The following GBP5 variants were observed in gnomAD, a reference collection of about 807,000 sequenced individuals.
The protein encoded by GBP5 is guanylate binding protein 5, also known as guanylate-binding protein 5.
Under a neutral mutation model 58.2 loss-of-function variants are expected in GBP5, and 48 were observed. The ratio of observed to expected loss-of-function variants is 0.83; its 90% CI spans 0.65 to 1.05. GBP5 has a LOEUF of 1.05. Among genes scored for constraint, GBP5 ranks in the 50% least tolerant of loss-of-function variants. The probability of loss-of-function intolerance (pLI) is 0.00; values close to 1 mark genes in which losing one functional copy is unlikely to be tolerated. For missense variants in GBP5, 714 were observed against 686.8 expected (o/e 1.04, Z -0.44); for synonymous variants, 248 against 251.8 (o/e 0.98, Z 0.14).
intron 10 of GBP5, 53 bp from the exon 11 acceptor site, chr1:89,262,454 C>G: frequency 6.7e-7 from 1 of 1,493,044 alleles, no homozygotes. Flanking sequence ...TTCCTTCTGC[C>G]TCCCACTTTT....
rs1177987809 is a variant in GBP5, at chr1:89,262,329, T to C, written c.1538A>G (p.Gln513Arg). Reference sequence around the variant, plus strand: ...GAGTCTCTCCCTCTCCTGCATCATTTGCTCGTTCTGCCTTTGAATCGCCGC... The same window carrying C: ...GAGTCTCTCCCTCTCCTGCATCATTCGCTCGTTCTGCCTTTGAATCGCCGC... Reference protein sequence around the residue: ...RLAAIQRQNEQMMQERERLHQ... With the variant: ...RLAAIQRQNERMMQERERLHQ... The change falls in exon 11 of 12, where the codon CAA (glutamine) becomes CGA (arginine). Residue 513 changes from glutamine (Q) to arginine (R), a missense_variant. Gln to Arg is a conservative substitution (Grantham distance 43). Coordinates refer to ENST00000370459, the MANE Select transcript of GBP5 (RefSeq NM_052942.5). 1 of 1,614,182 alleles carries C rather than the reference T, an allele frequency of 6.2e-7. No homozygotes were observed. Among genetic ancestry groups the C allele is most frequent in the East Asian group, 2.2e-5 (1 of 44,894 alleles).
At chr1:89,262,839 T>C in intron 9 of GBP5, 54 bp from the exon 10 acceptor site, 1 of 1,044,302 alleles carries the variant, frequency 9.6e-7, no homozygotes, top group Non-Finnish European at 1.4e-6. Context: ...TTAGGAATGT[T>C]GTAAACATCT....
At chr1:89,265,004 G>T (rs202037816) in intron 7 of GBP5, 38 bp from the exon 8 acceptor site, 7 of 1,561,030 alleles carry the variant, frequency 4.5e-6, no homozygotes, top group Admixed American at 1.8e-5. Flanking sequence ...TATTTGCAAA[G>T]GAAGAAGACA....
At chr1:89,261,206 G>A (rs140556263) in intron 11 of GBP5, among the ~76,000 whole-genome samples, 1 of 152,348 alleles carries the variant, frequency 6.6e-6, no homozygotes, top group Non-Finnish European at 1.5e-5. Context: ...GGAATCAGGT[G>A]GGCTGTCCAA....
intron 9 of GBP5, chr1:89,263,381 T>A: frequency 5.1e-6 from 1 of 196,928 alleles, no homozygotes; most frequent in South Asian, 1.3e-4. Flanking sequence ...TTAGTTTGTG[T>A]AAGCCAATGA....
chr1:89,260,658 C>A lies in GBP5; in HGVS notation c.*46G>T. 3 of 1,110,910 alleles carry A rather than the reference C, an allele frequency of 2.7e-6. No individual in the cohort carries two copies. In the South Asian group the frequency reaches 3.8e-5, roughly 14 times the overall value. The allele number at this position is 1,110,910 out of a possible 1,614,324, so 68.8% of individuals were successfully genotyped here. ...GTCTACAGTTTCTTTTCTGTTGTGTCATCAGTGACAAAGAGTAAAAAAAGG... is the reference window on the plus strand; with the variant it reads ...GTCTACAGTTTCTTTTCTGTTGTGTAATCAGTGACAAAGAGTAAAAAAAGG... On this transcript the variant is annotated 3_prime_UTR_variant, in exon 12 of 12. Coordinates refer to ENST00000370459, the MANE Select transcript of GBP5 (RefSeq NM_052942.5).
Position 89,266,495 on chromosome 1 carries a change from G to C in GBP5, c.719C>G (p.Ala240Gly). The C allele has an allele frequency of 6.2e-7, 1 of 1,614,102 alleles. No individual in the cohort carries two copies. Among genetic ancestry groups the C allele is most frequent in the Middle Eastern group, 1.7e-4 (1 of 6,060 alleles). The change falls in exon 7 of 12, where the codon GCT (alanine) becomes GGT (glycine). Residue 240 changes from alanine (A) to glycine (G), a missense_variant. Physicochemically the swap from Ala to Gly is moderately conservative, Grantham distance 60. Transcript: ENST00000370459. ...KKKCFIFDLPAHQKKLAQLET... is the reference protein window; with the variant it reads ...KKKCFIFDLPGHQKKLAQLET... ...AAGTTGGGCAAGCTTTTTTTGGTGA[G>C]CAGGTAAGTCAAAGATAAAGCATTT...
intron 11 of GBP5, chr1:89,261,999 A>T: frequency 1.8e-6 from 1 of 560,492 alleles, no homozygotes; most frequent in East Asian, 2.9e-5. Context: ...AGATATCATC[A>T]CTGTGTCCAT....
In GBP5 at chr1:89,262,762, A is replaced by C; in HGVS notation, c.1386T>G (p.Tyr462Ter). 1 of 1,573,556 alleles carries C rather than the reference A, an allele frequency of 6.4e-7. No homozygotes were observed. The highest frequency in any genetic ancestry group is 8.6e-7 in the Non-Finnish European group (1 of 1,167,398). ...GIQAEEVLQK[Y>*]LKSKESVSHA... ...GACTCACAGACTCCTTGGACTTTAA[A>C]TATTTCTGCAGAACTTCTTCAGCCT... The change falls in exon 10 of 12, where the codon TAT becomes TAG. Residue 462 changes from tyrosine to a stop codon, truncating the protein, a stop_gained. Coordinates refer to ENST00000370459, the MANE Select transcript of GBP5 (RefSeq NM_052942.5). LOFTEE classifies it high-confidence loss of function.
In GBP5 at chr1:89,262,163, A is replaced by G. The variant is rs529663472; in HGVS notation, c.1647+57T>C. 4.9e-4 allele frequency: 754 copies of G among 1,529,954 alleles called. 3 individuals are homozygous for G. The Middle Eastern group carries it at 9.2e-3, about 19-fold the overall frequency. The allele number at this position is 1,529,954 out of a possible 1,614,324, so 94.8% of individuals were successfully genotyped here. A position where few individuals can be genotyped will look rare whatever the true frequency, so the allele number is the denominator to read the frequency against. On this transcript the variant is annotated intron_variant, in intron 11 of 11. Transcript: ENST00000370459. Reference sequence around the variant, plus strand: ...ATCTTGCTGCCTCTCCCTCTTTGCCACTGCTACATACTCTCATCGTTACAG... The same window carrying G: ...ATCTTGCTGCCTCTCCCTCTTTGCCGCTGCTACATACTCTCATCGTTACAG...
rs963193951 is a variant in GBP5 at position 89,258,567 on chromosome 1, G to A, written c.*2137C>T. Among the ~76,000 whole-genome samples the A allele has an allele frequency of 6.6e-6, 1 of 152,036 alleles. No homozygotes were observed. The highest frequency in any genetic ancestry group is 1.5e-5 in the Non-Finnish European group (1 of 68,004). The stretch of plus-strand genomic sequence containing the variant: ...AGTAGCACCACATCCTATCTGATAT[G>A]AAAAATTCCTCATATTAAAGCTCTT... On this transcript the variant is annotated 3_prime_UTR_variant, in exon 12 of 12. Coordinates refer to ENST00000370459, the MANE Select transcript of GBP5 (RefSeq NM_052942.5).
Position 89,256,549 on chromosome 1 carries a change from TG to T in GBP5, c.*4154del, listed in dbSNP as rs1445819175. On this transcript the variant is annotated 3_prime_UTR_variant, in exon 12 of 12. Transcript: ENST00000370459. ...TTTAATAATTTTGAAAAACAGAGAA[TG>T]GGATGTAACTAACTAAAATATTGCT... Among the ~76,000 whole-genome samples the T allele has an allele frequency of 6.6e-6, 1 of 152,138 alleles. No individual in the cohort carries two copies. Among genetic ancestry groups the T allele is most frequent in the African/African-American group, 2.4e-5 (1 of 41,426 alleles).
Position 89,266,598 on chromosome 1 carries a change from A to G in GBP5, c.626-10T>C. The G allele has an allele frequency of 6.2e-7, 1 of 1,601,408 alleles. No individual in the cohort carries two copies. The highest frequency in any genetic ancestry group is 8.5e-7 in the Non-Finnish European group (1 of 1,172,338). ...ACTCTTTGATCACTACCTGGAGAAT[A>G]AAAAATAGGATTTATTTAGCATAGA... On this transcript the variant is annotated splice_polypyrimidine_tract_variant and intron_variant, in intron 6 of 11. Transcript: ENST00000370459.
In GBP5 at chr1:89,257,553, CT is replaced by C. The variant is rs937226677; in HGVS notation, c.*3150del. 5.3e-5 allele frequency among the ~76,000 whole-genome samples: 8 copies of C among 152,256 alleles called. No individual in the cohort carries two copies. The highest frequency in any genetic ancestry group is 4.6e-4 in the Admixed American group (7 of 15,292). On this transcript the variant is annotated 3_prime_UTR_variant, in exon 12 of 12. Transcript: ENST00000370459. ...GACCTTAATTTATTTAATTTCAATG[CT>C]TTAACAATAATAACTTTAATAATGA...
At position 89,268,809 on chromosome 1, in the gene GBP5, T is replaced by G; in HGVS notation, c.238A>C (p.Ile80Leu). 1 of 1,613,818 alleles carries G rather than the reference T, an allele frequency of 6.2e-7. No individual in the cohort carries two copies. Among genetic ancestry groups the G allele is most frequent in the African/African-American group, 1.3e-5 (1 of 74,978 alleles). ...TVQSHTKGIWIWCVPHPNWPN... is the reference protein window; with the variant it reads ...TVQSHTKGIWLWCVPHPNWPN... ...CAGTTGGGATGAGGCACACACCATA[T>G]CCAAATTCCCTTGGTGTGAGACTGC... Residue 80 changes from isoleucine (I) to leucine (L), a missense_variant, in exon 4 of 12, where the codon ATA becomes CTA. By Grantham distance (5) the Ile-to-Leu change is conservative (BLOSUM62 2). Transcript: ENST00000370459.
In GBP5 at chr1:89,261,125, C is replaced by G. The variant is rs555561401; in HGVS notation, c.1648-308G>C. On this transcript the variant is annotated intron_variant, in intron 11 of 11. Transcript: ENST00000370459. ...ACATCTTGACTTCAATTCTCATACA[C>G]ACACAGGAGACTCTCAGATATATTT... 4.6e-5 allele frequency among the ~76,000 whole-genome samples: 7 copies of G among 152,312 alleles called. No individual in the cohort carries two copies. In the South Asian group the frequency reaches 1.4e-3, roughly 32 times the overall value.
Position 89,264,752 on chromosome 1 carries a change from C to T in GBP5, c.1083G>A (p.Glu361=). 2 of 1,614,168 alleles carry T rather than the reference C, an allele frequency of 1.2e-6. No homozygotes were observed. Among genetic ancestry groups the T allele is most frequent in the Non-Finnish European group, 1.7e-6 (2 of 1,180,026 alleles). The change falls in exon 8 of 12, where the codon GAG becomes GAA. Residue 361 remains glutamate, a synonymous_variant. Coordinates refer to ENST00000370459, the MANE Select transcript of GBP5 (RefSeq NM_052942.5). ...AGTTTTTCATGAAGACTTCAATGGCCTCCCTCTCACTGGTCCTGTGCAGGT... is the reference window on the plus strand; with the variant it reads ...AGTTTTTCATGAAGACTTCAATGGCTTCCCTCTCACTGGTCCTGTGCAGGT... The part of the protein sequence containing the change: ...LLDLHRTSER[E]AIEVFMKNSF...
At chr1:89,262,184 T>C (rs996009445) in intron 11 of GBP5, 36 bp downstream of exon 11, 7 of 1,601,988 alleles carry the variant, frequency 4.4e-6, no homozygotes, top group Non-Finnish European at 6.0e-6. Context: ...CTCTCATCGT[T>C]ACAGGCAGGG....
chr1:89,264,820 G>A lies in GBP5; in HGVS notation c.1015C>T (p.Gln339Ter). The A allele has an allele frequency of 1.2e-6, 2 of 1,614,130 alleles. No individual in the cohort carries two copies. Among genetic ancestry groups the A allele is most frequent in the Non-Finnish European group, 1.7e-6 (2 of 1,180,036 alleles). ...GTTTCCATGGGCAGCTGCACTTTCT[G>A]GCCCATTTGCTGGTCATAGTGGGCA... ...AIAHYDQQMGQKVQLPMETLQ... is the reference protein window; with the variant it reads ...AIAHYDQQMG The change falls in exon 8 of 12, where the codon CAG becomes TAG. Residue 339 changes from glutamine to a stop codon, truncating the protein, a stop_gained. Transcript: ENST00000370459. LOFTEE classifies it high-confidence loss of function.
Sources: gnomAD v4.1 joint callset for allele counts (sites outside exome capture counted in the v4.1 genomes callset) on GRCh38, gnomAD v4.1.1 for gene constraint, MANE v1.5 for transcripts, NCBI Gene and HGNC (gene_info 2026-07-23, HGNC 2026-07-21) for gene names.